RASL11A: variants seen among roughly 807,000 people sequenced by gnomAD.
RASL11A encodes RAS like family 11 member A, also known as ras-like protein family member 11A.
Under a neutral mutation model 17.1 loss-of-function variants are expected in RASL11A, and 14 were observed. The observed-to-expected ratio is 0.82, with a 90% confidence interval of 0.54 to 1.28. RASL11A has a LOEUF of 1.28. Among genes scored for constraint, RASL11A ranks in the 50% most tolerant of loss-of-function variants. RASL11A has a pLI of 0.00. For synonymous variants in RASL11A, 146 were observed against 132.5 expected, an observed-to-expected ratio of 1.10 and a Z score of -0.70; for missense variants, 283 against 312.3, an observed-to-expected ratio of 0.91 and a Z score of 0.71.
At position 27,273,311 on chromosome 13, in the gene RASL11A, CGAA is replaced by C; in HGVS notation, c.549_551del (p.Glu183del). On this transcript the variant is annotated inframe_deletion, in exon 4 of 4. Transcript: ENST00000241463. Reference sequence around the variant, plus strand: ...TTGAAATTTCCACTAGCGAAAACTACGAAGATGTCTGTGATGTGTTTCAGCATC... The same window carrying C: ...TTGAAATTTCCACTAGCGAAAACTACGATGTCTGTGATGTGTTTCAGCATC... The C allele has an allele frequency of 6.2e-7, 1 of 1,614,168 alleles. No individual in the cohort carries two copies. Among genetic ancestry groups the C allele is most frequent in the Non-Finnish European group, 8.5e-7 (1 of 1,180,042 alleles).
rs1005754573 is a variant in RASL11A at position 27,274,020 on chromosome 13, G to T, written c.*526G>T. The stretch of plus-strand genomic sequence containing the variant: ...CACTGTGTGATTTTCAAGGGAAGGG[G>T]TACAATGCTAAAACGTTACAAGCCA... On this transcript the variant is annotated 3_prime_UTR_variant, in exon 4 of 4. Coordinates refer to ENST00000241463, the MANE Select transcript of RASL11A (RefSeq NM_206827.2). Among the ~76,000 whole-genome samples, 3 of 151,996 alleles carry T rather than the reference G, an allele frequency of 2.0e-5. No individual in the cohort carries two copies. The highest frequency in any genetic ancestry group is 4.8e-5 in the African/African-American group (2 of 41,368).
Position 27,271,074 on chromosome 13 carries a change from T to G in RASL11A, c.124+6T>G, listed in dbSNP as rs778262733. 6.4e-7 allele frequency: 1 copy of G among 1,562,464 alleles called. No homozygotes were observed. Among genetic ancestry groups the G allele is most frequent in the South Asian group, 1.2e-5 (1 of 85,202 alleles). ...CGGCCGCGTGGGCAAGAGCGGTGAG[T>G]GCGGCGGGGACCCCCGGGCGGCTTC... On this transcript the variant is annotated splice_donor_region_variant and intron_variant, in intron 1 of 3. Transcript: ENST00000241463.
Position 27,273,462 on chromosome 13 carries a change from C to A in RASL11A, c.697C>A (p.Pro233Thr). 1 of 1,614,098 alleles carries A rather than the reference C, an allele frequency of 6.2e-7. No homozygotes were observed. Among genetic ancestry groups the A allele is most frequent in the East Asian group, 2.2e-5 (1 of 44,886 alleles). Reference sequence around the variant, plus strand: ...GAGACGCTTCAAGCAGGCTCTGTCTCCCAAAGTCAAAGCCCCCTCTGCACT... The same window carrying A: ...GAGACGCTTCAAGCAGGCTCTGTCTACCAAAGTCAAAGCCCCCTCTGCACT... The part of the protein sequence containing the change: ...LKRRFKQALS[P>T]KVKAPSALG Residue 233 changes from proline (P) to threonine (T), a missense_variant, in exon 4 of 4, where the codon CCC (proline) becomes ACC (threonine). By Grantham distance (38) the Pro-to-Thr change is conservative (BLOSUM62 -1). Coordinates refer to ENST00000241463, the MANE Select transcript of RASL11A (RefSeq NM_206827.2).
In RASL11A at chr13:27,273,503, A is replaced by T. The variant is rs375518179; in HGVS notation, c.*9A>T. 6.4e-7 allele frequency: 1 copy of T among 1,574,740 alleles called. No individual in the cohort carries two copies. The highest frequency in any genetic ancestry group is 8.7e-7 in the Non-Finnish European group (1 of 1,146,504). ...CCTCTGCACTGGGGTGAACTATCTC[A>T]GACAGATGCCTCTCCTTTTTAATAC... On this transcript the variant is annotated 3_prime_UTR_variant, in exon 4 of 4. Coordinates refer to ENST00000241463, the MANE Select transcript of RASL11A (RefSeq NM_206827.2).
chr13:27,271,406 C>T (rs1382239175), intron 1 of RASL11A, 78 bp from the exon 2 acceptor site: 1 of 1,571,996 alleles, frequency 6.4e-7, no homozygotes. Flanking sequence ...ACCCTTCACT[C>T]CCCCCAGTTT....
At chr13:27,271,583 T>G in intron 2 of RASL11A, 43 bp downstream of exon 2, 1 of 1,613,520 alleles carries the variant, frequency 6.2e-7, no homozygotes, top group Non-Finnish European at 8.5e-7. Context: ...CTTGCGTGTT[T>G]CTTTTTACGG....
intron 3 of RASL11A, among the ~76,000 whole-genome samples, chr13:27,272,031 A>G (rs964409990): frequency 6.6e-6 from 1 of 152,242 alleles, no homozygotes; most frequent in East Asian, 1.9e-4. Flanking sequence ...CCATGGAACC[A>G]TTAACAAAGA....
chr13:27,273,354 A>G lies in RASL11A; in HGVS notation c.589A>G (p.Ser197Gly), dbSNP rs144256456. The G allele has an allele frequency of 1.8e-4, 290 of 1,614,246 alleles. No individual in the cohort carries two copies. In the African/African-American group the frequency reaches 3.6e-3, roughly 20 times the overall value. Reference sequence around the variant, plus strand: ...GTTTCAGCATCTCTGCAAAGAAGTGAGCAAGATGCACGGCCTCAGTGGGGA... The same window carrying G: ...GTTTCAGCATCTCTGCAAAGAAGTGGGCAAGATGCACGGCCTCAGTGGGGA... ...DVFQHLCKEV[S>G]KMHGLSGERR... is the part of the protein sequence containing the mutation. Residue 197 changes from serine (S) to glycine (G), a missense_variant, in exon 4 of 4, where the codon AGC becomes GGC. By Grantham distance (56) the Ser-to-Gly change is moderately conservative (BLOSUM62 0). Coordinates refer to ENST00000241463, the MANE Select transcript of RASL11A (RefSeq NM_206827.2).
Position 27,274,885 on chromosome 13 carries a change from C to T in RASL11A, c.*1391C>T, listed in dbSNP as rs1180584495. ...ATGAATGAATGCACCACTTATGGTGCCAAGGGTCAATGATGGGAGATTACC... is the reference window on the plus strand; with the variant it reads ...ATGAATGAATGCACCACTTATGGTGTCAAGGGTCAATGATGGGAGATTACC... On this transcript the variant is annotated 3_prime_UTR_variant, in exon 4 of 4. Coordinates refer to ENST00000241463, the MANE Select transcript of RASL11A (RefSeq NM_206827.2). Among the ~76,000 whole-genome samples the T allele has an allele frequency of 2.0e-5, 3 of 152,182 alleles. No homozygotes were observed. The highest frequency in any genetic ancestry group is 6.5e-5 in the Admixed American group (1 of 15,282).
At chr13:27,272,315 T>G (rs533375787) in intron 3 of RASL11A, among the ~76,000 whole-genome samples, 4 of 152,268 alleles carry the variant, frequency 2.6e-5, no homozygotes, top group African/African-American at 9.6e-5. Flanking sequence ...TATTTATTAG[T>G]AGAGATGGGG....
rs1412994 is a variant in RASL11A at position 27,274,474 on chromosome 13, T to A, written c.*980T>A. On this transcript the variant is annotated 3_prime_UTR_variant, in exon 4 of 4. Coordinates refer to ENST00000241463, the MANE Select transcript of RASL11A (RefSeq NM_206827.2). ...CCACCTCTCCAGGCTTATCAACCCC[T>A]CCTTCCAAAACACACACCAGCAGTC... is the stretch of plus-strand genomic sequence containing the variant. Among the ~76,000 whole-genome samples the A allele has an allele frequency of 0.22, 33,180 of 152,138 alleles. 4,118 individuals are homozygous for A. Among genetic ancestry groups the A allele is most frequent in the East Asian group, 0.55 (2,859 of 5,180 alleles).
chr13:27,272,163 G>A (rs1333251174), intron 3 of RASL11A, among the ~76,000 whole-genome samples: 1 of 152,236 alleles, frequency 6.6e-6, no homozygotes, highest in Non-Finnish European at 1.5e-5. Flanking sequence ...TGCCCAGGCT[G>A]GAGTGCAGTG....
chr13:27,271,365 C>T, intron 1 of RASL11A, 119 bp from the exon 2 acceptor site: 2 of 1,546,230 alleles, frequency 1.3e-6, no homozygotes, highest in Non-Finnish European at 1.8e-6. Flanking sequence ...TTTGCGGAGC[C>T]TCTGGAAGCG....
chr13:27,271,005 G>A lies in RASL11A; in HGVS notation c.61G>A (p.Asp21Asn). ...CGCACCCATCCCCGAGTCCTCCTCG[G>A]ACTACCTACTGCCCAAGGACATCAA... ...LLAPIPESSS[D>N]YLLPKDIKLA... Residue 21 changes from aspartate (D) to asparagine (N), a missense_variant, in exon 1 of 4, where the codon GAC (aspartate) becomes AAC (asparagine). Coordinates refer to ENST00000241463, the MANE Select transcript of RASL11A (RefSeq NM_206827.2). 1 of 1,593,800 alleles carries A rather than the reference G, an allele frequency of 6.3e-7. No homozygotes were observed. Among genetic ancestry groups the A allele is most frequent in the Non-Finnish European group, 8.5e-7 (1 of 1,170,454 alleles).
At chr13:27,271,577 C>T (rs1211823628) in intron 2 of RASL11A, 37 bp downstream of exon 2, 10 of 1,612,788 alleles carry the variant, frequency 6.2e-6, no homozygotes, top group Non-Finnish European at 8.5e-6. Context: ...TTTATGCTTG[C>T]GTGTTTCTTT....
At chr13:27,272,892 A>T in intron 3 of RASL11A, 135 bp from the exon 4 acceptor site, 1 of 698,704 alleles carries the variant, frequency 1.4e-6, no homozygotes, top group South Asian at 2.0e-5. Context: ...CTTCTGCAGA[A>T]GCTGGGTGGA....
At chr13:27,271,136 C>T (rs959900339) in intron 1 of RASL11A, 68 bp downstream of exon 1, 42 of 1,510,182 alleles carry the variant, frequency 2.8e-5, no homozygotes, top group Non-Finnish European at 3.4e-5. Flanking sequence ...GGGGGCGCTG[C>T]GGAGAGAGGG....
chr13:27,273,595 A>C lies in RASL11A; in HGVS notation c.*101A>C, dbSNP rs1882374896. 1 of 919,304 alleles carries C rather than the reference A, an allele frequency of 1.1e-6. No homozygotes were observed. Among genetic ancestry groups the C allele is most frequent in the Non-Finnish European group, 1.6e-6 (1 of 630,022 alleles). 56.9% of individuals were successfully genotyped at this position (919,304 alleles called of 1,614,324 possible). A position where few individuals can be genotyped will look rare whatever the true frequency, so the allele number is the denominator to read the frequency against. On this transcript the variant is annotated 3_prime_UTR_variant, in exon 4 of 4. Transcript: ENST00000241463. The stretch of plus-strand genomic sequence containing the variant: ...CACACATTCAGAGTTTATTTTTATA[A>C]AAAAATTGATTTTCAAGTACATGTG...
rs543178558 is a variant in RASL11A at position 27,271,144 on chromosome 13, G to A, written c.124+76G>A. 530 of 1,500,988 alleles carry A rather than the reference G, an allele frequency of 3.5e-4. 10 individuals are homozygous for A. The South Asian group carries it at 6.7e-3, about 19-fold the overall frequency. 93.0% of individuals were successfully genotyped at this position (1,500,988 alleles called of 1,614,324 possible). A position where few individuals can be genotyped will look rare whatever the true frequency, so the allele number is the denominator to read the frequency against. ...GACCACTGGGGGCGCTGCGGAGAGA[G>A]GGCGCCTCGGCCGAAGCAGAGGGCG... On this transcript the variant is annotated intron_variant, in intron 1 of 3. Coordinates refer to ENST00000241463, the MANE Select transcript of RASL11A (RefSeq NM_206827.2).
Sources: gnomAD v4.1 joint callset for allele counts (sites outside exome capture counted in the v4.1 genomes callset) on GRCh38, gnomAD v4.1.1 for gene constraint, MANE v1.5 for transcripts, NCBI Gene and HGNC (gene_info 2026-07-23, HGNC 2026-07-21) for gene names.